The following MAPK14 variants were observed in gnomAD, a reference collection of about 807,000 sequenced individuals.
MAPK14 encodes the protein CSAID-binding protein.
MAPK14 carries 16 observed loss-of-function variants against 49.6 expected under a neutral mutation model. The observed-to-expected ratio is 0.32, with a 90% confidence interval of 0.22 to 0.49. The LOEUF (loss-of-function observed/expected upper bound fraction) is 0.49, where lower values mean the gene tolerates loss of function less well. Ranked by LOEUF, MAPK14 falls within the 20% of genes least tolerant of loss-of-function variation. The pLI is 0.99. For synonymous variants in MAPK14, 142 were observed against 158.0 expected (o/e 0.90, Z 0.76); for missense variants, 200 against 441.2 (o/e 0.45, Z 4.90).
intron 1 of MAPK14, among the ~76,000 whole-genome samples, chr6:36,043,073 G>A (rs545972704): frequency 4.0e-5 from 6 of 151,780 alleles, no homozygotes; most frequent in Admixed American, 6.6e-5. Flanking sequence ...GCATTGAGCC[G>A]TGATCATGCC....
chr6:36,058,230 A>G (rs1403037390), intron 2 of MAPK14, among the ~76,000 whole-genome samples: 3 of 152,196 alleles, frequency 2.0e-5, no homozygotes, highest in Admixed American at 2.0e-4. Context: ...TTGAGACTTT[A>G]AAAATGTCAG....
chr6:36,037,247 G>C (rs958726957), intron 1 of MAPK14, among the ~76,000 whole-genome samples: 1 of 152,156 alleles, frequency 6.6e-6, no homozygotes, highest in African/African-American at 2.4e-5. Flanking sequence ...AGGTACACCT[G>C]TATGTATGTG....
At chr6:36,047,501 A>G (rs374466828) in intron 1 of MAPK14, among the ~76,000 whole-genome samples, 1 of 152,236 alleles carries the variant, frequency 6.6e-6, no homozygotes, top group Admixed American at 6.5e-5. Context: ...CTGTATGCCA[A>G]GGAGATTCCT....
At chr6:36,071,016 A>G (rs1475079721) in intron 3 of MAPK14, among the ~76,000 whole-genome samples, 2 of 152,166 alleles carry the variant, frequency 1.3e-5, no homozygotes, top group African/African-American at 4.8e-5. Flanking sequence ...GACAGTAAAT[A>G]AAACTTACAC....
At chr6:36,085,640 T>A (rs190244999) in intron 8 of MAPK14, among the ~76,000 whole-genome samples, 129 of 152,238 alleles carry the variant, frequency 8.5e-4, no homozygotes, top group African/African-American at 2.9e-3. Context: ...TATATGCACC[T>A]AATACAGGAG....
chr6:36,063,457 G>A (rs546057727), intron 3 of MAPK14, among the ~76,000 whole-genome samples: 1 of 152,098 alleles, frequency 6.6e-6, no homozygotes, highest in Non-Finnish European at 1.5e-5. Context: ...GAGCATAGTG[G>A]TGCATGCCTG....
chr6:36,057,722 G>GAA (rs1027944034), intron 2 of MAPK14, among the ~76,000 whole-genome samples: 1 of 136,786 alleles, frequency 7.3e-6, no homozygotes. Context: ...CTGTCTCAAA[G>GAA]AAAAAAAAAA....
intron 8 of MAPK14, among the ~76,000 whole-genome samples, chr6:36,077,894 C>G (rs919775401): frequency 6.6e-6 from 1 of 152,138 alleles, no homozygotes; most frequent in Non-Finnish European, 1.5e-5. Context: ...TTCATACTTC[C>G]CCCTTTCCTC....
chr6:36,034,749 T>C (rs1342980906), intron 1 of MAPK14, among the ~76,000 whole-genome samples: 2 of 151,522 alleles, frequency 1.3e-5, no homozygotes, highest in East Asian at 1.9e-4. Flanking sequence ...TTTATTATGC[T>C]TCACAGATAA....
chr6:36,071,465 T>C (rs1207855860), intron 3 of MAPK14, among the ~76,000 whole-genome samples: 3 of 152,206 alleles, frequency 2.0e-5, no homozygotes, highest in Admixed American at 6.5e-5. Flanking sequence ...GACTTGAATG[T>C]AATCATTCCC....
In MAPK14 at chr6:36,107,379, C is replaced by CT; in HGVS notation, c.842-75dup. 9.4e-7 allele frequency: 1 copy of CT among 1,059,540 alleles called. No individual in the cohort carries two copies. Among genetic ancestry groups the CT allele is most frequent in the Non-Finnish European group, 1.3e-6 (1 of 749,986 alleles). The allele number at this position is 1,059,540 out of a possible 1,614,324, so 65.6% of individuals were successfully genotyped here. Reference sequence around the variant, plus strand: ...TTTGTTTGGATATGAAGGGTCAAAACTATGTTTGCTCAATAAGGCATACTT... The same window carrying CT: ...TTTGTTTGGATATGAAGGGTCAAAACTTATGTTTGCTCAATAAGGCATACTT... On this transcript the variant is annotated intron_variant, in intron 10 of 11. Transcript: ENST00000229794. The surrounding 1 kb of genome is among the most constrained non-coding windows in gnomAD (Gnocchi z 4.3).
chr6:36,083,085 A>G (rs1219243215), intron 8 of MAPK14, among the ~76,000 whole-genome samples: 1 of 152,216 alleles, frequency 6.6e-6, no homozygotes, highest in Non-Finnish European at 1.5e-5. Flanking sequence ...AGCTGCAATC[A>G]GAGGCTTCCA....
At chr6:36,061,306 T>C (rs1411893928) in intron 3 of MAPK14, among the ~76,000 whole-genome samples, 1 of 152,180 alleles carries the variant, frequency 6.6e-6, no homozygotes, top group African/African-American at 2.4e-5. Context: ...GGAACCGGAT[T>C]AAGAACCTAT....
rs567857289 is a variant in MAPK14 at position 36,058,077 on chromosome 6, C to T, written c.247-1212C>T. Among the ~76,000 whole-genome samples the T allele has an allele frequency of 2.0e-5, 3 of 152,192 alleles. No individual in the cohort carries two copies. The East Asian group carries it at 5.8e-4, about 29-fold the overall frequency. On this transcript the variant is annotated intron_variant, in intron 2 of 11. Coordinates refer to ENST00000229794, the MANE Select transcript of MAPK14 (RefSeq NM_139012.3). ...CTGATCAGAAAAACTGCTCAAAGAC[C>T]ATGGGTTATTGAGTATTAAGTAGCT...
At chr6:36,030,946 G>A (rs570117293) in intron 1 of MAPK14, among the ~76,000 whole-genome samples, 84 of 152,316 alleles carry the variant, frequency 5.5e-4, no homozygotes, top group African/African-American at 1.9e-3. Context: ...ACTAATGTTG[G>A]AATGAAAATA....
At chr6:36,068,457 T>C (rs1445150237) in intron 3 of MAPK14, among the ~76,000 whole-genome samples, 2 of 152,224 alleles carry the variant, frequency 1.3e-5, no homozygotes, top group African/African-American at 4.8e-5. Flanking sequence ...TTCCCCTGTG[T>C]TGAGAATAGA....
intron 5 of MAPK14, 145 bp downstream of exon 5, chr6:36,073,865 A>G (rs1764410101): frequency 1.0e-5 from 10 of 965,646 alleles, no homozygotes; most frequent in Non-Finnish European, 1.6e-5. Context: ...CTGATTAAAG[A>G]AAGAAGATGT....
chr6:36,121,985 G>T, the MAPK14 span, among the ~76,000 whole-genome samples: 1 of 152,220 alleles, frequency 6.6e-6, no homozygotes, highest in African/African-American at 2.4e-5. Context: ...AGTAATTAGT[G>T]CTCTTTCCAT....
At chr6:36,105,230 GTATTT>G (rs1380896736) in intron 10 of MAPK14, among the ~76,000 whole-genome samples, 1 of 152,014 alleles carries the variant, frequency 6.6e-6, no homozygotes, top group Non-Finnish European at 1.5e-5. Context: ...GTTAGTGTAT[GTATTT>G]ATCTGTCAAG....
Sources: allele counts gnomAD v4.1 joint callset (sites outside exome capture counted in the v4.1 genomes callset), GRCh38; gene constraint gnomAD v4.1.1; non-coding constraint Gnocchi (gnomAD v3.1); transcripts MANE v1.5; gene names NCBI Gene and HGNC (gene_info 2026-07-23, HGNC 2026-07-21).